Variants in NSMCE2 observed in about 807,000 individuals in gnomAD.
The protein encoded by NSMCE2 is E3 SUMO-protein ligase NSE2.
In NSMCE2, 24 loss-of-function variants were observed where a neutral mutation model predicts 23.8. The observed-to-expected ratio is 1.01, with a 90% CI of 0.73 to 1.42. The LOEUF (loss-of-function observed/expected upper bound fraction) is 1.42, where lower values mean the gene tolerates loss of function less well. NSMCE2 is among the 40% of genes most tolerant of loss of function. The pLI, the probability that NSMCE2 is intolerant of heterozygous loss-of-function variation, is 0.00. For missense variants in NSMCE2, 284 were observed against 296.5 expected (o/e 0.96, Z 0.31); for synonymous variants, 92 against 94.1 (o/e 0.98, Z 0.13).
chr8:125,268,186 A>T (rs373438022), intron 5 of NSMCE2, among the ~76,000 whole-genome samples: 2 of 152,050 alleles, frequency 1.3e-5, no homozygotes, highest in East Asian at 3.9e-4. Flanking sequence ...GTGAACCATG[A>T]TCACACCACT....
chr8:125,194,329 T>G (rs549135554), intron 5 of NSMCE2, among the ~76,000 whole-genome samples: 1 of 152,310 alleles, frequency 6.6e-6, no homozygotes, highest in South Asian at 2.1e-4. Flanking sequence ...CAGAATGTTG[T>G]ATAGGTAGAA....
At chr8:125,263,629 A>G (rs1337135520) in intron 5 of NSMCE2, among the ~76,000 whole-genome samples, 1 of 152,140 alleles carries the variant, frequency 6.6e-6, no homozygotes, top group African/African-American at 2.4e-5. Flanking sequence ...ACGCGCCTAT[A>G]ATCCCAGCTA....
intron 4 of NSMCE2, among the ~76,000 whole-genome samples, chr8:125,169,454 A>G (rs1236257539): frequency 6.6e-6 from 1 of 152,166 alleles, no homozygotes; most frequent in African/African-American, 2.4e-5. Flanking sequence ...CGTTTTCCCC[A>G]TGATTTTCTC....
intron 5 of NSMCE2, among the ~76,000 whole-genome samples, chr8:125,329,544 T>C (rs1829796999): frequency 6.6e-6 from 1 of 152,264 alleles, no homozygotes. Context: ...CCTTTAGTTA[T>C]AGACAACCTC....
chr8:125,147,667 G>C (rs911195968), intron 3 of NSMCE2, among the ~76,000 whole-genome samples: 1 of 152,098 alleles, frequency 6.6e-6, no homozygotes, highest in Non-Finnish European at 1.5e-5. Context: ...AATTTTGATG[G>C]TGGGAAGATA....
At position 125,357,283 on chromosome 8, in the gene NSMCE2, C is replaced by T. The variant is rs76848984; in HGVS notation, c.483C>T (p.Thr161=). Residue 161 remains threonine (T), a synonymous_variant, in exon 6 of 8, where the codon ACC becomes ACT. Transcript: ENST00000287437. ...TEGVDEDIIV[T]QSQTNFTCPI... ...GAGTGGATGAAGATATAATTGTGAC[C>T]CAAAGTCAGACCAACTTCACCTGCC... is the stretch of plus-strand genomic sequence containing the variant. 4,639 of 1,613,340 alleles carry T rather than the reference C, an allele frequency of 2.9e-3. 13 individuals carry two copies. Among genetic ancestry groups the T allele is most frequent in the Non-Finnish European group, 3.1e-3 (3,649 of 1,179,330 alleles).
At position 125,172,058 on chromosome 8, in the gene NSMCE2, T is replaced by C. The variant is rs191757217; in HGVS notation, c.265-10045T>C. Among the ~76,000 whole-genome samples, 13 of 152,368 alleles carry C rather than the reference T, an allele frequency of 8.5e-5. No individual in the cohort carries two copies. The East Asian group carries it at 2.5e-3, about 29-fold the overall frequency. Reference sequence around the variant, plus strand: ...ATTAATTCATTTAATACTCAAAGGTTAAGTAGATTATAGATGAAGAAATTG... The same window carrying C: ...ATTAATTCATTTAATACTCAAAGGTCAAGTAGATTATAGATGAAGAAATTG... On this transcript the variant is annotated intron_variant, in intron 4 of 7. Transcript: ENST00000287437.
chr8:125,134,412 C>T (rs1368514831), intron 3 of NSMCE2, among the ~76,000 whole-genome samples: 1 of 152,092 alleles, frequency 6.6e-6, no homozygotes, highest in East Asian at 1.9e-4. Flanking sequence ...TAGTCGCTCC[C>T]CATCCTTGTC....
chr8:125,238,554 G>A (rs16900462), intron 5 of NSMCE2, among the ~76,000 whole-genome samples: 21,295 of 152,022 alleles, frequency 0.14, 1,763 homozygotes, highest in African/African-American at 0.23. Flanking sequence ...TGTTAGCTGG[G>A]ACTTCATTAA....
At chr8:125,113,594 A>G (rs1442571572) in intron 3 of NSMCE2, among the ~76,000 whole-genome samples, 1 of 152,204 alleles carries the variant, frequency 6.6e-6, no homozygotes, top group Non-Finnish European at 1.5e-5. Flanking sequence ...CATAAGGAAA[A>G]TGTTCACAAT....
At chr8:125,184,004 G>A (rs954996623) in intron 5 of NSMCE2, among the ~76,000 whole-genome samples, 4 of 151,336 alleles carry the variant, frequency 2.6e-5, no homozygotes, top group Non-Finnish European at 5.9e-5. Context: ...CAAATAAATA[G>A]CAATTTTTCA....
chr8:125,201,766 C>T (rs187121239), intron 5 of NSMCE2, among the ~76,000 whole-genome samples: 1 of 152,368 alleles, frequency 6.6e-6, no homozygotes, highest in East Asian at 1.9e-4. Flanking sequence ...AAAGTTTCTG[C>T]TGCCTTTTGT....
At chr8:125,355,578 T>C (rs1813226920) in intron 5 of NSMCE2, among the ~76,000 whole-genome samples, 1 of 151,712 alleles carries the variant, frequency 6.6e-6, no homozygotes, top group Admixed American at 6.6e-5. Context: ...CGTGCACCTA[T>C]ACTCCCAGCT....
At chr8:125,221,030 T>C (rs1824833523) in intron 5 of NSMCE2, among the ~76,000 whole-genome samples, 1 of 152,200 alleles carries the variant, frequency 6.6e-6, no homozygotes, top group African/African-American at 2.4e-5. Context: ...AGCTAGAATA[T>C]AGGATACCAG....
At chr8:125,265,199 GTTA>G (rs1202588462) in intron 5 of NSMCE2, among the ~76,000 whole-genome samples, 2 of 149,842 alleles carry the variant, frequency 1.3e-5, no homozygotes, top group African/African-American at 4.9e-5. Flanking sequence ...CATTAACTTT[GTTA>G]TTATTATTAT....
At chr8:125,103,546 T>C (rs1476785524) in intron 3 of NSMCE2, among the ~76,000 whole-genome samples, 1 of 152,216 alleles carries the variant, frequency 6.6e-6, no homozygotes, top group Non-Finnish European at 1.5e-5. Context: ...TTTCTGCTAC[T>C]ATTTCTTCAA....
intron 5 of NSMCE2, among the ~76,000 whole-genome samples, chr8:125,337,737 A>G (rs903931038): frequency 3.3e-5 from 5 of 152,160 alleles, no homozygotes; most frequent in Middle Eastern, 3.2e-3. Flanking sequence ...TCTACTAAAA[A>G]TACAAAAATT....
In NSMCE2 at chr8:125,151,183, G is replaced by C; in HGVS notation, c.170G>C (p.Ser57Thr). ...DLVESQTEVS[S>T]EYSMDKAMVE... ...TTTTTTCTTTCAGCTGAAGTGAGTA[G>C]TGAATATAGTATGGACAAGGCAATG... Residue 57 changes from serine (S) to threonine (T), a missense_variant, in exon 4 of 8, where the codon AGT becomes ACT. This residue lies in a region of NSMCE2 where 182 missense variants were observed against 155.5 expected (regional missense o/e 1.17). Coordinates refer to ENST00000287437, the MANE Select transcript of NSMCE2 (RefSeq NM_173685.4). 6.3e-7 allele frequency: 1 copy of C among 1,590,250 alleles called. No individual in the cohort carries two copies. Among genetic ancestry groups the C allele is most frequent in the Non-Finnish European group, 8.6e-7 (1 of 1,160,680 alleles).
chr8:125,319,403 A>G (rs1314481278), intron 5 of NSMCE2, among the ~76,000 whole-genome samples: 1 of 152,228 alleles, frequency 6.6e-6, no homozygotes, highest in East Asian at 1.9e-4. Context: ...ACTGACCTAG[A>G]AATGACACAG....
Sources: gnomAD v4.1 joint callset for allele counts (sites outside exome capture counted in the v4.1 genomes callset) on GRCh38, gnomAD v4.1.1 for gene constraint, gnomAD v4.1.1 regional missense constraint, MANE v1.5 for transcripts, NCBI Gene and HGNC (gene_info 2026-07-23, HGNC 2026-07-21) for gene names.